AK4: variants seen among roughly 807,000 people sequenced by gnomAD.
AK4 encodes the protein adenylate kinase 4.
Under a neutral mutation model 24.6 loss-of-function variants are expected in AK4, and 13 were observed. That is an observed-to-expected ratio of 0.53 (90% CI 0.34 to 0.84). The LOEUF is 0.84. AK4 is among the 40% of genes least tolerant of loss of function. The pLI is 0.01. For missense variants in AK4, 192 were observed against 288.2 expected, an observed-to-expected ratio of 0.67 and a Z score of 2.42; for synonymous variants, 88 against 107.0, an observed-to-expected ratio of 0.82 and a Z score of 1.10.
At chr1:65,160,093 A>G (rs889419124) in intron 1 of AK4, among the ~76,000 whole-genome samples, 1 of 152,116 alleles carries the variant, frequency 6.6e-6, no homozygotes, top group South Asian at 2.1e-4. Context: ...CTCCATAGCT[A>G]GGATTAAACT....
chr1:65,170,834 G>A (rs1650493172), intron 1 of AK4, among the ~76,000 whole-genome samples: 1 of 152,056 alleles, frequency 6.6e-6, no homozygotes, highest in African/African-American at 2.4e-5. Context: ...TTAAAGCTTT[G>A]TTCTTGATAG....
At chr1:65,148,629 C>G (rs1649653356) in intron 1 of AK4, 77 bp downstream of exon 1, 1 of 1,434,164 alleles carries the variant, frequency 7.0e-7, no homozygotes, top group Non-Finnish European at 9.2e-7. Context: ...CTGGGGCTCC[C>G]GGATCACGGC....
At chr1:65,185,166 T>A (rs1651054557) in intron 1 of AK4, among the ~76,000 whole-genome samples, 1 of 152,126 alleles carries the variant, frequency 6.6e-6, no homozygotes, top group Admixed American at 6.5e-5. Flanking sequence ...CGCAGCCTCC[T>A]TTGCTTCCAC....
At chr1:65,170,386 AC>A (rs144146858) in intron 1 of AK4, among the ~76,000 whole-genome samples, 3,558 of 133,862 alleles carry the variant, frequency 0.027, 87 homozygotes, top group African/African-American at 0.064. Flanking sequence ...ACACACACAC[AC>A]AAAAAAAATC....
intron 1 of AK4, among the ~76,000 whole-genome samples, chr1:65,181,538 C>T (rs1650908042): frequency 6.6e-6 from 1 of 152,016 alleles, no homozygotes; most frequent in African/African-American, 2.4e-5. Context: ...AGGCATGTGC[C>T]ACCATGCCTG....
chr1:65,182,030 T>A (rs1650925745), intron 1 of AK4, among the ~76,000 whole-genome samples: 1 of 151,868 alleles, frequency 6.6e-6, no homozygotes, highest in Non-Finnish European at 1.5e-5. Context: ...ATCCTCCCAC[T>A]TCAATCTCCA....
In AK4 at chr1:65,229,439, C is replaced by T. The variant is rs1453781668; in HGVS notation, c.*3262C>T. ...GTCCTAGTTACTCAGGAGACTTAGG[C>T]AGGAGGATTGCTTGATCCTAGGAAT... On this transcript the variant is annotated 3_prime_UTR_variant, in exon 5 of 5. Transcript: ENST00000327299. The T allele has an allele frequency of 6.6e-6, 1 of 151,854 alleles. No homozygotes were observed. Among genetic ancestry groups the T allele is most frequent in the Admixed American group, 6.6e-5 (1 of 15,230 alleles). The allele number at this position is 151,854 out of a possible 1,614,324, so 9.4% of individuals were successfully genotyped here.
intron 1 of AK4, among the ~76,000 whole-genome samples, chr1:65,188,735 C>T (rs374406677): frequency 1.6e-4 from 24 of 151,938 alleles, no homozygotes; most frequent in African/African-American, 5.8e-4. Flanking sequence ...ACCTCAGCCT[C>T]CCAAAGTGCT....
chr1:65,181,090 T>C (rs751101403), intron 1 of AK4, among the ~76,000 whole-genome samples: 23 of 150,392 alleles, frequency 1.5e-4, no homozygotes, highest in Non-Finnish European at 3.1e-4. Flanking sequence ...AGCTCTGTCT[T>C]GTATATCTAG....
chr1:65,214,263 A>C (rs943124370), intron 2 of AK4, among the ~76,000 whole-genome samples: 18 of 152,082 alleles, frequency 1.2e-4, no homozygotes, highest in African/African-American at 4.3e-4. Flanking sequence ...GGCGTGGGCC[A>C]CCATGCCTGG....
rs139306702 is a variant in AK4 at position 65,213,755 on chromosome 1, C to G, written c.266-4999C>G. ...TGAGTTGTGGGTGTGTCCTCTGACC[C>G]CGAATTCCTGTGTTGAAGCCCTAAC... On this transcript the variant is annotated intron_variant, in intron 2 of 4. Coordinates refer to ENST00000327299, the MANE Select transcript of AK4 (RefSeq NM_013410.4). Among the ~76,000 whole-genome samples the G allele has an allele frequency of 7.9e-5, 12 of 152,238 alleles. No individual in the cohort carries two copies. In the East Asian group the frequency reaches 2.1e-3, roughly 27 times the overall value.
At chr1:65,172,063 GTATATATATATATATATATATATATA>G (rs3051712) in intron 1 of AK4, among the ~76,000 whole-genome samples, 47 of 65,768 alleles carry the variant, frequency 7.1e-4, no homozygotes, top group South Asian at 7.0e-3. Context: ...TCCATCTCAA[GTATATATATATATATATATATATATA>G]TATATATATA....
intron 1 of AK4, among the ~76,000 whole-genome samples, chr1:65,152,358 C>CTA (rs1439853968): frequency 0.014 from 428 of 30,480 alleles, 2 homozygotes; most frequent in African/African-American, 0.038. Context: ...CTCTCTCTCT[C>CTA]TCTATATATA....
At position 65,203,383 on chromosome 1, in the gene AK4, A is replaced by G. The variant is rs1379327828; in HGVS notation, c.265+12554A>G. On this transcript the variant is annotated intron_variant, in intron 2 of 4. Coordinates refer to ENST00000327299, the MANE Select transcript of AK4 (RefSeq NM_013410.4). Reference sequence around the variant, plus strand: ...CTCCAATAGAAATACCTTGATACTTACATAGATGTTAGGACTTAACATTTC... The same window carrying G: ...CTCCAATAGAAATACCTTGATACTTGCATAGATGTTAGGACTTAACATTTC... Among the ~76,000 whole-genome samples, 3 of 152,166 alleles carry G rather than the reference A, an allele frequency of 2.0e-5. 1 individual carries two copies. Among genetic ancestry groups the G allele is most frequent in the South Asian group, 4.1e-4 (2 of 4,824 alleles).
At chr1:65,199,007 A>G (rs569117848) in intron 2 of AK4, among the ~76,000 whole-genome samples, 4 of 151,240 alleles carry the variant, frequency 2.6e-5, no homozygotes, top group African/African-American at 9.7e-5. Context: ...CTGAGCCTGA[A>G]CCTGGGGAGG....
At chr1:65,224,385 T>C (rs1652390271) in intron 3 of AK4, among the ~76,000 whole-genome samples, 2 of 152,198 alleles carry the variant, frequency 1.3e-5, no homozygotes, top group Admixed American at 1.3e-4. Flanking sequence ...ACTCAGGCTT[T>C]ATTTTAGAAG....
intron 1 of AK4, among the ~76,000 whole-genome samples, chr1:65,165,038 T>A (rs1365992738): frequency 1.3e-5 from 2 of 152,180 alleles, no homozygotes; most frequent in African/African-American, 4.8e-5. Context: ...TTAATCAGAG[T>A]AAGAAATGGT....
At chr1:65,188,456 A>G (rs1347181044) in intron 1 of AK4, among the ~76,000 whole-genome samples, 2 of 152,000 alleles carry the variant, frequency 1.3e-5, no homozygotes, top group African/African-American at 4.8e-5. Flanking sequence ...TAGTAATATA[A>G]TTCCGCTTTG....
At chr1:65,222,258 G>A (rs143982648) in intron 3 of AK4, among the ~76,000 whole-genome samples, 1 of 152,200 alleles carries the variant, frequency 6.6e-6, no homozygotes, top group Admixed American at 6.5e-5. Flanking sequence ...AAAGAGAAGG[G>A]AAGATGGAGC....
Sources: allele counts gnomAD v4.1 joint callset (sites outside exome capture counted in the v4.1 genomes callset), GRCh38; gene constraint gnomAD v4.1.1; transcripts MANE v1.5; gene names NCBI Gene and HGNC (gene_info 2026-07-23, HGNC 2026-07-21).